The following ADH7 variants were observed in gnomAD, a reference collection of about 807,000 sequenced individuals.
ADH7 encodes the protein alcohol dehydrogenase 7 (class IV), mu or sigma polypeptide, also known as all-trans-retinol dehydrogenase [NAD(+)] ADH7.
ADH7 carries 41 observed loss-of-function variants against 34.4 expected under a neutral mutation model. The observed-to-expected ratio is 1.19, with a 90% CI of 0.93 to 1.55. The LOEUF is 1.55. Among genes scored for constraint, ADH7 ranks in the 40% most tolerant of loss-of-function variants. The pLI is 0.00. For missense variants in ADH7, 540 were observed against 461.2 expected (o/e 1.17, Z -1.56); for synonymous variants, 180 against 160.9 (o/e 1.12, Z -0.90).
In ADH7 at chr4:99,427,081, G is replaced by T. The variant is rs540745970; in HGVS notation, c.564+692C>A. ...TATCTCAAAATAATAAGAGGTCAAA[G>T]ATTCTTAATTCCTTGAACTCCAATT... is the stretch of plus-strand genomic sequence containing the variant. On this transcript the variant is annotated intron_variant, in intron 5 of 8. Coordinates refer to ENST00000437033, the MANE Select transcript of ADH7 (RefSeq NM_000673.7). Among the ~76,000 whole-genome samples, 61 of 152,066 alleles carry T rather than the reference G, an allele frequency of 4.0e-4. 1 individual carries two copies. The Middle Eastern group carries it at 0.01, about 25-fold the overall frequency.
intron 1 of ADH7, among the ~76,000 whole-genome samples, chr4:99,433,849 T>A (rs1721990975): frequency 6.6e-6 from 1 of 152,150 alleles, no homozygotes; most frequent in Admixed American, 6.6e-5. Flanking sequence ...TGATATTTTG[T>A]TATGGAAGCC....
intron 7 of ADH7, among the ~76,000 whole-genome samples, chr4:99,416,726 C>T (rs758384882): frequency 7.9e-5 from 12 of 152,064 alleles, no homozygotes; most frequent in African/African-American, 2.4e-4. Flanking sequence ...GGTTTCTATA[C>T]CCATCCTAAA....
At chr4:99,419,237 T>A (rs1579573193) in intron 6 of ADH7, 116 bp from the exon 7 acceptor site, 1 of 1,302,222 alleles carries the variant, frequency 7.7e-7, no homozygotes, top group South Asian at 1.6e-5. Flanking sequence ...GCCACCTTGT[T>A]TTTTACTTGC....
intron 5 of ADH7, among the ~76,000 whole-genome samples, chr4:99,421,079 G>A (rs186162311): frequency 8.4e-4 from 128 of 152,152 alleles, no homozygotes; most frequent in African/African-American, 2.8e-3. Context: ...ACTGCCCAAA[G>A]TAATTTATAG....
chr4:99,425,724 C>G (rs1387267030), intron 5 of ADH7, among the ~76,000 whole-genome samples: 1 of 152,192 alleles, frequency 6.6e-6, no homozygotes, highest in South Asian at 2.1e-4. Context: ...TAGACATCTA[C>G]AGAACTCTCC....
chr4:99,430,911 C>G (rs559218272), intron 1 of ADH7, among the ~76,000 whole-genome samples: 4 of 152,122 alleles, frequency 2.6e-5, no homozygotes, highest in South Asian at 2.1e-4. Flanking sequence ...AGTCCCCTGC[C>G]TCAGCCACCC....
At position 99,428,811 on chromosome 4, in the gene ADH7, C is replaced by T. The variant is rs536028489; in HGVS notation, c.121-181G>A. ...ACCATCAGACAAGATCCCTCTCTGA[C>T]GGAACTTATAATATTGCTCCCTTAT... is the stretch of plus-strand genomic sequence containing the variant. On this transcript the variant is annotated intron_variant, in intron 2 of 8. Transcript: ENST00000437033. Among the ~76,000 whole-genome samples the T allele has an allele frequency of 8.9e-4, 136 of 152,184 alleles. 1 individual carries two copies. Among genetic ancestry groups the T allele is most frequent in the Non-Finnish European group, 1.8e-3 (122 of 68,040 alleles).
At chr4:99,420,409 T>C in intron 6 of ADH7, 124 bp downstream of exon 6, 1 of 1,181,228 alleles carries the variant, frequency 8.5e-7, no homozygotes, top group Non-Finnish European at 1.2e-6. Flanking sequence ...TTTGCCTGAG[T>C]AAAACTGACT....
rs1315591549 is a variant in ADH7 at position 99,420,608 on chromosome 4, G to A, written c.750C>T (p.Ile250=). Residue 250 remains isoleucine, a synonymous_variant, in exon 6 of 9, where the codon ATC becomes ATT. Coordinates refer to ENST00000437033, the MANE Select transcript of ADH7 (RefSeq NM_000673.7). ...CTGTCATTTCTGACAGCACCTCACTGATGGGTTTGGTAGAGTCCTTGGGAC... is the reference window on the plus strand; with the variant it reads ...CTGTCATTTCTGACAGCACCTCACTAATGGGTTTGGTAGAGTCCTTGGGAC... ...CISPKDSTKP[I]SEVLSEMTGN... is the part of the protein sequence containing the mutation. 2 of 1,613,806 alleles carry A rather than the reference G, an allele frequency of 1.2e-6. No individual in the cohort carries two copies. The highest frequency in any genetic ancestry group is 2.2e-5 in the East Asian group (1 of 44,880).
rs1254796684 is a variant in ADH7, at chr4:99,428,551, C to T, written c.200G>A (p.Gly67Glu). 6.2e-7 allele frequency: 1 copy of T among 1,613,898 alleles called. No individual in the cohort carries two copies. The highest frequency in any genetic ancestry group is 2.2e-5 in the East Asian group (1 of 44,854). The change falls in exon 3 of 9, where the codon GGA becomes GAA. Residue 67 changes from glycine (G) to glutamate (E), a missense_variant. Transcript: ENST00000437033. ...CTCTACAATCCCAGTTGCCTCATGT[C>T]CCACAATCACTGGAAACTTGGACAC... ...TMVSKFPVIVGHEATGIVESI... is the reference protein window; with the variant it reads ...TMVSKFPVIVEHEATGIVESI...
intron 6 of ADH7, among the ~76,000 whole-genome samples, chr4:99,419,420 G>C (rs545901780): frequency 2.1e-4 from 32 of 152,104 alleles, no homozygotes; most frequent in African/African-American, 7.7e-4. Context: ...CACCACTTCA[G>C]ATAAGCCTTA....
chr4:99,420,855 G>C, intron 5 of ADH7, 62 bp from the exon 6 acceptor site: 1 of 1,522,630 alleles, frequency 6.6e-7, no homozygotes, highest in South Asian at 1.2e-5. Flanking sequence ...AACCTGAAAA[G>C]GGCCTCCAGT....
chr4:99,432,242 C>CA (rs1186600542), intron 1 of ADH7, among the ~76,000 whole-genome samples: 5 of 152,090 alleles, frequency 3.3e-5, no homozygotes, highest in Non-Finnish European at 7.4e-5. Flanking sequence ...CATGTTCTCA[C>CA]TTATAAGTGG....
At chr4:99,432,804 A>G (rs1349342693) in intron 1 of ADH7, 1 of 152,178 alleles carries the variant, frequency 6.6e-6, no homozygotes. Flanking sequence ...AAAAATAAAA[A>G]TGAGATACAA....
intron 3 of ADH7, 104 bp from the exon 4 acceptor site, chr4:99,428,278 A>G (rs1721860361): frequency 7.7e-7 from 1 of 1,305,130 alleles, no homozygotes; most frequent in East Asian, 2.4e-5. Flanking sequence ...TTTTAAAAAT[A>G]TATTCTAAGG....
At chr4:99,415,707 A>G in intron 7 of ADH7, 91 bp from the exon 8 acceptor site, 1 of 1,340,462 alleles carries the variant, frequency 7.5e-7, no homozygotes, top group South Asian at 1.4e-5. Context: ...TTCCTGCACT[A>G]TGACTTTCCC....
intron 8 of ADH7, among the ~76,000 whole-genome samples, chr4:99,414,582 C>A (rs1721476183): frequency 6.6e-6 from 1 of 152,122 alleles, no homozygotes; most frequent in Non-Finnish European, 1.5e-5. Context: ...ATCATCACAC[C>A]CATGTTTACC....
At chr4:99,426,190 G>A (rs1326700907) in intron 5 of ADH7, among the ~76,000 whole-genome samples, 1 of 151,898 alleles carries the variant, frequency 6.6e-6, no homozygotes. Flanking sequence ...GCTAGCAGAA[G>A]GCAAGAAATA....
intron 7 of ADH7, among the ~76,000 whole-genome samples, chr4:99,418,781 A>G (rs1275005858): frequency 6.6e-6 from 1 of 152,180 alleles, no homozygotes; most frequent in African/African-American, 2.4e-5. Flanking sequence ...GCAGATGTTA[A>G]TATTAAAAAT....
Sources: gnomAD v4.1 joint callset for allele counts (sites outside exome capture counted in the v4.1 genomes callset) on GRCh38, gnomAD v4.1.1 for gene constraint, MANE v1.5 for transcripts, NCBI Gene and HGNC (gene_info 2026-07-23, HGNC 2026-07-21) for gene names.